The following MTM1 variants were observed in gnomAD, a reference collection of about 807,000 sequenced individuals.
The protein encoded by MTM1 is myotubularin.
MTM1 carries 9 observed loss-of-function variants against 52.1 expected under a neutral mutation model. That is an observed-to-expected ratio of 0.17 (90% CI 0.10 to 0.30). The LOEUF is 0.30. Ranked by LOEUF, MTM1 falls within the 10% of genes least tolerant of loss-of-function variation. The pLI, the probability that MTM1 is intolerant of heterozygous loss-of-function variation, is 1.00. For missense variants in MTM1, 277 were observed against 470.7 expected (o/e 0.59, Z 3.81); for synonymous variants, 136 against 163.8 (o/e 0.83, Z 1.29).
upstream of MTM1, among the ~76,000 whole-genome samples, chrX:150,566,715 C>A (rs1202618710): frequency 7.2e-5 from 8 of 110,958 alleles, no homozygotes; most frequent in African/African-American, 2.6e-4. Context: ...CCCAGCTCCT[C>A]CCAGCTCCAT....
intron 6 of MTM1, among the ~76,000 whole-genome samples, chrX:150,633,851 G>C (rs1334068671): frequency 1.8e-5 from 2 of 111,870 alleles, no homozygotes; most frequent in African/African-American, 6.5e-5. Flanking sequence ...GGGCAACATG[G>C]TGAAACCCTG....
At chrX:150,616,268 G>A (rs2039383560) in intron 5 of MTM1, among the ~76,000 whole-genome samples, 1 of 111,710 alleles carries the variant, frequency 9.0e-6, no homozygotes, top group South Asian at 3.7e-4. Flanking sequence ...AAAGGTGATG[G>A]CTTAGAACAA....
At chrX:150,568,343 C>T (rs1411747207), upstream of MTM1, among the ~76,000 whole-genome samples, 1 of 113,426 alleles carries the variant, frequency 8.8e-6, no homozygotes, top group Non-Finnish European at 1.9e-5. Context: ...CCCCTGGCAT[C>T]TTGGCCCCGC....
intron 10 of MTM1, among the ~76,000 whole-genome samples, chrX:150,654,714 T>C (rs1321266081): frequency 8.9e-6 from 1 of 111,870 alleles, no homozygotes; most frequent in Non-Finnish European, 1.9e-5. Context: ...ACCCGAATAG[T>C]GAGCATGGTA....
chrX:150,575,505 G>A (rs1205113578), intron 1 of MTM1, among the ~76,000 whole-genome samples: 1 of 112,055 alleles, frequency 8.9e-6, no homozygotes, highest in African/African-American at 3.2e-5. Context: ...GGATGGGCCC[G>A]GAGAGCTTTT....
At position 150,672,143 on chromosome X, in the gene MTM1, T is replaced by C. The variant is rs2040406084; in HGVS notation, c.*548T>C. Reference sequence around the variant, plus strand: ...TCATGAGTGGTGACTTAAGGAGAAATAGCTGTATAGATGAGTTTTTCATTA... The same window carrying C: ...TCATGAGTGGTGACTTAAGGAGAAACAGCTGTATAGATGAGTTTTTCATTA... On this transcript the variant is annotated 3_prime_UTR_variant, in exon 15 of 15. Transcript: ENST00000370396. The C allele has an allele frequency of 8.9e-6, 1 of 112,363 alleles. No homozygotes were observed. The highest frequency in any genetic ancestry group is 3.7e-4 in the South Asian group (1 of 2,724). The allele number at this position is 112,363 out of a possible 1,213,427, so 9.3% of individuals were successfully genotyped here.
chrX:150,626,033 T>C (rs987193836), intron 6 of MTM1, among the ~76,000 whole-genome samples: 2 of 112,451 alleles, frequency 1.8e-5, no homozygotes, highest in African/African-American at 6.5e-5. Context: ...TCATCAGCAT[T>C]TGCAGGTGTT....
chrX:150,657,728 A>G (rs2040146087), intron 10 of MTM1, 93 bp from the exon 11 acceptor site: 5 of 860,467 alleles, frequency 5.8e-6, no homozygotes, highest in Non-Finnish European at 8.5e-6. Flanking sequence ...GGACGTTAAT[A>G]TTTTAAAGCA....
chrX:150,624,303 T>G lies in MTM1; in HGVS notation c.444+5164T>G, dbSNP rs782533245. ...TGCTTTGCTTTTCAAACACTAGAAA[T>G]TGTACTGAATTCTCATAAATTGCAT... On this transcript the variant is annotated intron_variant, in intron 6 of 14. Coordinates refer to ENST00000370396, the MANE Select transcript of MTM1 (RefSeq NM_000252.3). Among the ~76,000 whole-genome samples the G allele has an allele frequency of 3.6e-5, 4 of 112,425 alleles. No homozygotes were observed. The East Asian group carries it at 1.1e-3, about 31-fold the overall frequency.
intron 1 of MTM1, among the ~76,000 whole-genome samples, chrX:150,573,259 A>G (rs1451173340): frequency 8.9e-6 from 1 of 112,622 alleles, no homozygotes; most frequent in Non-Finnish European, 1.9e-5. Flanking sequence ...CAAACAGCAA[A>G]TGAGAAAGTT....
At chrX:150,632,506 C>A (rs1407201305) in intron 6 of MTM1, among the ~76,000 whole-genome samples, 1 of 111,497 alleles carries the variant, frequency 9.0e-6, no homozygotes, top group Non-Finnish European at 1.9e-5. Context: ...TAAGCAGGAA[C>A]GTGGCATGAT....
chrX:150,628,669 T>C (rs1380979493), intron 6 of MTM1, among the ~76,000 whole-genome samples: 2 of 111,344 alleles, frequency 1.8e-5, no homozygotes, highest in Non-Finnish European at 3.8e-5. Flanking sequence ...CATTGTCCTC[T>C]TGTTCATTCA....
chrX:150,572,970 A>G (rs2038406373), intron 1 of MTM1, among the ~76,000 whole-genome samples: 1 of 113,033 alleles, frequency 8.8e-6, no homozygotes, highest in Non-Finnish European at 1.9e-5. Flanking sequence ...GTTTGTCTTA[A>G]TAGGTAACTC....
rs1196936968 is a variant in MTM1, at chrX:150,583,282, A to T, written c.-10-9323A>T. On this transcript the variant is annotated intron_variant, in intron 1 of 14. Transcript: ENST00000370396. ...TTATATAAATTATATATAAATTATA[A>T]ATATATATAAATTATATATATTATA... Among the ~76,000 whole-genome samples, 72 of 59,417 alleles carry T rather than the reference A, an allele frequency of 1.2e-3. 1 individual carries two copies. The highest frequency in any genetic ancestry group is 4.3e-3 in the African/African-American group (61 of 14,093). The allele number at this position is 59,417 out of a possible 115,157, so 51.6% of individuals were successfully genotyped here. A position where few individuals can be genotyped will look rare whatever the true frequency, so the allele number is the denominator to read the frequency against.
At chrX:150,607,057 C>T (rs1191321845) in intron 4 of MTM1, among the ~76,000 whole-genome samples, 1 of 104,583 alleles carries the variant, frequency 9.6e-6, no homozygotes, top group African/African-American at 3.5e-5. Context: ...CGGCTCACCG[C>T]AACCTCCACC....
intron 1 of MTM1, among the ~76,000 whole-genome samples, chrX:150,583,338 AT>A (rs1423563658): frequency 2.0e-5 from 1 of 49,676 alleles, no homozygotes; most frequent in African/African-American, 8.5e-5. Context: ...AATTATATAT[AT>A]TATATATAAT....
intron 1 of MTM1, among the ~76,000 whole-genome samples, chrX:150,583,228 A>G (rs1428899310): frequency 4.3e-5 from 3 of 69,819 alleles, no homozygotes; most frequent in Non-Finnish European, 7.2e-5. Flanking sequence ...AATTATATAA[A>G]TTATATATAA....
At chrX:150,565,523 G>A (rs1473065794), upstream of MTM1, among the ~76,000 whole-genome samples, 2 of 111,968 alleles carry the variant, frequency 1.8e-5, no homozygotes, top group African/African-American at 6.5e-5. Context: ...GGATTAAGTT[G>A]AGGCAGGAGT....
intron 1 of MTM1, among the ~76,000 whole-genome samples, chrX:150,572,867 G>T (rs2038405271): frequency 1.8e-5 from 2 of 112,915 alleles, no homozygotes; most frequent in Admixed American, 1.9e-4. Context: ...TCTCGTTAAA[G>T]TTGTTTCTCA....
Sources: gnomAD v4.1 joint callset for allele counts (sites outside exome capture counted in the v4.1 genomes callset) on GRCh38, gnomAD v4.1.1 for gene constraint, MANE v1.5 for transcripts, NCBI Gene and HGNC (gene_info 2026-07-23, HGNC 2026-07-21) for gene names.